SERGEF: variants seen among roughly 807,000 people sequenced by gnomAD.
SERGEF encodes secretion-regulating guanine nucleotide exchange factor.
A neutral mutation model predicts 50.0 loss-of-function variants in SERGEF; 51 were observed. The ratio of observed to expected loss-of-function variants is 1.02; its 90% CI spans 0.81 to 1.29. The LOEUF (loss-of-function observed/expected upper bound fraction) is 1.29, where lower values mean the gene tolerates loss of function less well. Among genes scored for constraint, SERGEF ranks in the 50% most tolerant of loss-of-function variants. The probability of loss-of-function intolerance (pLI) is 0.00; values close to 1 mark genes in which losing one functional copy is unlikely to be tolerated. For missense variants in SERGEF, 521 were observed against 557.0 expected (o/e 0.94, Z 0.65); for synonymous variants, 205 against 212.4 (o/e 0.97, Z 0.30).
intron 10 of SERGEF, among the ~76,000 whole-genome samples, chr11:17,869,695 G>A (rs780636246): frequency 2.0e-5 from 3 of 152,098 alleles, no homozygotes; most frequent in African/African-American, 4.8e-5. Context: ...ATGCTATCAC[G>A]TTAGGGAATA....
intron 10 of SERGEF, among the ~76,000 whole-genome samples, chr11:17,807,004 C>T (rs187329704): frequency 1.3e-5 from 2 of 152,136 alleles, no homozygotes; most frequent in South Asian, 4.1e-4. Flanking sequence ...CATCTCTCCC[C>T]CAACAGAAAA....
chr11:17,796,911 C>T (rs1292807315), intron 10 of SERGEF, among the ~76,000 whole-genome samples: 1 of 152,168 alleles, frequency 6.6e-6, no homozygotes, highest in Non-Finnish European at 1.5e-5. Context: ...GGGTCCCCTT[C>T]ACACCAAGAT....
intron 8 of SERGEF, among the ~76,000 whole-genome samples, chr11:17,974,274 C>A (rs1365104978): frequency 6.6e-6 from 1 of 152,200 alleles, no homozygotes; most frequent in African/African-American, 2.4e-5. Flanking sequence ...ACCAATGTGA[C>A]CTTTTGTAAA....
chr11:17,936,332 AG>A (rs1409349366), intron 9 of SERGEF, among the ~76,000 whole-genome samples: 1 of 152,172 alleles, frequency 6.6e-6, no homozygotes, highest in Non-Finnish European at 1.5e-5. Context: ...ATAAAATAAG[AG>A]GGCAGGGTAA....
At chr11:17,837,727 C>A (rs926961152) in intron 10 of SERGEF, among the ~76,000 whole-genome samples, 1 of 147,218 alleles carries the variant, frequency 6.8e-6, no homozygotes, top group African/African-American at 2.5e-5. Flanking sequence ...GTGGCACTGT[C>A]TTGGCTCACA....
At chr11:17,949,064 C>T (rs938221724) in intron 9 of SERGEF, among the ~76,000 whole-genome samples, 4 of 152,160 alleles carry the variant, frequency 2.6e-5, no homozygotes, top group Admixed American at 1.3e-4. Flanking sequence ...CACAATTCAC[C>T]AGTCCCTCTA....
intron 8 of SERGEF, among the ~76,000 whole-genome samples, chr11:17,966,549 G>A (rs756489305): frequency 1.1e-4 from 16 of 152,056 alleles, no homozygotes; most frequent in Non-Finnish European, 1.9e-4. Flanking sequence ...TAATTTTATT[G>A]TCACCTTTGG....
intron 9 of SERGEF, among the ~76,000 whole-genome samples, chr11:17,894,290 G>A (rs1259660467): frequency 6.6e-6 from 1 of 152,154 alleles, no homozygotes; most frequent in Non-Finnish European, 1.5e-5. Flanking sequence ...GGAGAGAGGA[G>A]AAGAAGAAAA....
At chr11:17,926,798 C>A (rs1590201802) in intron 9 of SERGEF, 2 of 456,194 alleles carry the variant, frequency 4.4e-6, no homozygotes, top group Non-Finnish European at 8.8e-6. Context: ...CTCCTGAGAC[C>A]AGAGCTCTAG....
chr11:17,844,718 G>A (rs925618500), intron 10 of SERGEF, among the ~76,000 whole-genome samples: 4 of 152,112 alleles, frequency 2.6e-5, no homozygotes, highest in Non-Finnish European at 5.9e-5. Context: ...AAGAGCATCA[G>A]AAAGGTCCCC....
intron 8 of SERGEF, among the ~76,000 whole-genome samples, chr11:17,974,870 C>CA (rs1382468957): frequency 6.6e-6 from 1 of 152,170 alleles, no homozygotes; most frequent in African/African-American, 2.4e-5. Flanking sequence ...TAAAAAAGGA[C>CA]ATTGCTCTTA....
At chr11:17,980,067 A>G (rs1233564431) in intron 8 of SERGEF, among the ~76,000 whole-genome samples, 1 of 152,238 alleles carries the variant, frequency 6.6e-6, no homozygotes, top group African/African-American at 2.4e-5. Context: ...GCAGAGCCCA[A>G]GTGCAGGGGA....
At chr11:17,797,129 G>A (rs1255161074) in intron 10 of SERGEF, among the ~76,000 whole-genome samples, 1 of 152,168 alleles carries the variant, frequency 6.6e-6, no homozygotes, top group African/African-American at 2.4e-5. Context: ...CTGCCCAACT[G>A]GTCTCTCTGC....
chr11:17,977,342 G>A (rs1018324279), intron 8 of SERGEF, among the ~76,000 whole-genome samples: 1 of 152,106 alleles, frequency 6.6e-6, no homozygotes, highest in African/African-American at 2.4e-5. Context: ...TGGAAGTGAG[G>A]CAGTAGCTAT....
chr11:17,877,268 T>C (rs1851253568), intron 10 of SERGEF, among the ~76,000 whole-genome samples: 1 of 152,190 alleles, frequency 6.6e-6, no homozygotes, highest in Non-Finnish European at 1.5e-5. Flanking sequence ...ACAAGAGTCC[T>C]AAAATATCAG....
intron 1 of SERGEF, chr11:18,009,944 T>A: frequency 2.9e-6 from 1 of 342,112 alleles, no homozygotes; most frequent in Admixed American, 3.8e-5. Flanking sequence ...AGACTATAAA[T>A]GGCCTTATGT....
rs199772044 is a variant in SERGEF at position 17,993,008 on chromosome 11, A to T, written c.623-15T>A. On this transcript the variant is annotated splice_polypyrimidine_tract_variant and intron_variant, in intron 6 of 10. Coordinates refer to ENST00000265965, the MANE Select transcript of SERGEF (RefSeq NM_012139.4). Reference sequence around the variant, plus strand: ...ATTCTCTAGACCTACAAAAGAAAAAATGTTCTTCTGAATTACATTTATAAC... The same window carrying T: ...ATTCTCTAGACCTACAAAAGAAAAATTGTTCTTCTGAATTACATTTATAAC... 14 of 1,611,238 alleles carry T rather than the reference A, an allele frequency of 8.7e-6. No homozygotes were observed. Among genetic ancestry groups the T allele is most frequent in the Admixed American group, 3.3e-5 (2 of 59,984 alleles).
intron 9 of SERGEF, among the ~76,000 whole-genome samples, chr11:17,938,688 T>C (rs1852501479): frequency 6.6e-6 from 1 of 152,144 alleles, no homozygotes; most frequent in Non-Finnish European, 1.5e-5. Context: ...TACTTGTAGT[T>C]AGGAGTAACT....
chr11:17,791,037 A>C (rs1849476553), intron 10 of SERGEF, among the ~76,000 whole-genome samples: 1 of 152,224 alleles, frequency 6.6e-6, no homozygotes. Context: ...ATTTGGAAGT[A>C]TCTTCTTCCA....
Sources: gnomAD v4.1 joint callset for allele counts (sites outside exome capture counted in the v4.1 genomes callset) on GRCh38, gnomAD v4.1.1 for gene constraint, MANE v1.5 for transcripts, NCBI Gene and HGNC (gene_info 2026-07-23, HGNC 2026-07-21) for gene names.